The following NDUFAF2 variants were observed in gnomAD, a reference collection of about 807,000 sequenced individuals.
The protein encoded by NDUFAF2 is NADH:ubiquinone oxidoreductase complex assembly factor 2.
Under a neutral mutation model 22.8 loss-of-function variants are expected in NDUFAF2, and 13 were observed. The observed-to-expected ratio is 0.57, with a 90% CI of 0.37 to 0.91. The LOEUF (loss-of-function observed/expected upper bound fraction) is 0.91. NDUFAF2 is among the 40% of genes least tolerant of loss of function. The probability of loss-of-function intolerance (pLI) is 0.01; values close to 1 mark genes in which losing one functional copy is unlikely to be tolerated. For missense variants in NDUFAF2, 162 were observed against 195.2 expected, an observed-to-expected ratio of 0.83 and a Z score of 1.01; for synonymous variants, 53 against 64.2, an observed-to-expected ratio of 0.83 and a Z score of 0.84.
At chr5:61,112,476 T>G (rs1183086657) in intron 3 of NDUFAF2, among the ~76,000 whole-genome samples, 2 of 152,130 alleles carry the variant, frequency 1.3e-5, no homozygotes, top group Non-Finnish European at 2.9e-5. Flanking sequence ...CCTCCCAAAG[T>G]GCTGGGATTA....
At chr5:60,974,489 A>G (rs970253447) in intron 1 of NDUFAF2, among the ~76,000 whole-genome samples, 6 of 152,076 alleles carry the variant, frequency 3.9e-5, no homozygotes, top group African/African-American at 7.2e-5. Context: ...TTTCTTTTAT[A>G]TATACCTCCA....
At chr5:61,117,653 GC>G (rs765277631) in intron 3 of NDUFAF2, among the ~76,000 whole-genome samples, 16 of 151,286 alleles carry the variant, frequency 1.1e-4, no homozygotes, top group Non-Finnish European at 2.2e-4. Context: ...ACTGTGCCCA[GC>G]CCAATGCATA....
chr5:61,044,440 CT>C (rs1328270199), intron 1 of NDUFAF2, among the ~76,000 whole-genome samples: 2 of 152,138 alleles, frequency 1.3e-5, no homozygotes, highest in African/African-American at 4.8e-5. Context: ...AGCCAATAAG[CT>C]TTTTCTTGTT....
intron 1 of NDUFAF2, among the ~76,000 whole-genome samples, chr5:61,027,260 T>A (rs913090809): frequency 3.3e-5 from 5 of 151,590 alleles, no homozygotes; most frequent in African/African-American, 1.2e-4. Context: ...AAGAAGAGTA[T>A]ATATTTCTGC....
At position 61,107,662 on chromosome 5, in the gene NDUFAF2, T is replaced by A. The variant is rs191440468; in HGVS notation, c.258+8630T>A. Among the ~76,000 whole-genome samples the A allele has an allele frequency of 1.5e-4, 22 of 147,734 alleles. No homozygotes were observed. In the East Asian group the frequency reaches 4.3e-3, roughly 29 times the overall value. Reference sequence around the variant, plus strand: ...GGTATTTCTCTTTTTTTAATTATGATTACTATTATTATTATTATTATACTT... The same window carrying A: ...GGTATTTCTCTTTTTTTAATTATGAATACTATTATTATTATTATTATACTT... On this transcript the variant is annotated intron_variant, in intron 3 of 3. Coordinates refer to ENST00000296597, the MANE Select transcript of NDUFAF2 (RefSeq NM_174889.5).
At chr5:61,116,456 T>C (rs565424484) in intron 3 of NDUFAF2, 2 of 152,152 alleles carry the variant, frequency 1.3e-5, no homozygotes, top group East Asian at 3.9e-4. Flanking sequence ...AAAAATATAA[T>C]AGAAATGAAA....
At chr5:61,002,098 G>A (rs1298633759) in intron 1 of NDUFAF2, among the ~76,000 whole-genome samples, 1 of 152,044 alleles carries the variant, frequency 6.6e-6, no homozygotes, top group Non-Finnish European at 1.5e-5. Flanking sequence ...AACCAGGACA[G>A]CATTGTCAGA....
chr5:61,057,056 CA>C (rs1382155881), intron 1 of NDUFAF2, among the ~76,000 whole-genome samples: 1 of 150,926 alleles, frequency 6.6e-6, no homozygotes, highest in East Asian at 1.9e-4. Flanking sequence ...CCCTTCACAG[CA>C]GCCTGCAGTT....
intron 1 of NDUFAF2, among the ~76,000 whole-genome samples, chr5:60,990,123 G>A (rs916743898): frequency 1.3e-5 from 2 of 152,190 alleles, no homozygotes; most frequent in African/African-American, 4.8e-5. Context: ...CATGAAGATA[G>A]AGAGTAGAGT....
intron 1 of NDUFAF2, among the ~76,000 whole-genome samples, chr5:60,972,094 C>T (rs1283210453): frequency 1.3e-5 from 2 of 151,910 alleles, no homozygotes; most frequent in African/African-American, 4.8e-5. Flanking sequence ...AGGCATACGC[C>T]ACCGAGCCTG....
At chr5:61,138,739 T>G (rs1270916929) in intron 3 of NDUFAF2, among the ~76,000 whole-genome samples, 1 of 152,186 alleles carries the variant, frequency 6.6e-6, no homozygotes, top group African/African-American at 2.4e-5. Context: ...GCAGGATACC[T>G]GTATGCAAAG....
At chr5:61,067,391 T>A (rs1047171417) in intron 1 of NDUFAF2, among the ~76,000 whole-genome samples, 9 of 148,478 alleles carry the variant, frequency 6.1e-5, no homozygotes, top group African/African-American at 2.0e-4. Flanking sequence ...TTCCCACCTA[T>A]GAGTGAGAAC....
intron 1 of NDUFAF2, among the ~76,000 whole-genome samples, chr5:60,992,174 CT>C (rs1751167247): frequency 6.6e-6 from 1 of 152,014 alleles, no homozygotes; most frequent in African/African-American, 2.4e-5. Context: ...TGTTTGAGCT[CT>C]TCATATATAC....
intron 3 of NDUFAF2, among the ~76,000 whole-genome samples, chr5:61,131,309 C>T (rs1753108821): frequency 6.6e-6 from 1 of 151,664 alleles, no homozygotes; most frequent in Admixed American, 6.6e-5. Context: ...AATTCATCCT[C>T]TTCAGCCTGG....
intron 3 of NDUFAF2, among the ~76,000 whole-genome samples, chr5:61,109,958 A>G (rs1403009442): frequency 2.0e-5 from 3 of 152,218 alleles, no homozygotes; most frequent in Admixed American, 6.5e-5. Flanking sequence ...GGTCTGTTGT[A>G]TATGGCTTTT....
chr5:61,118,240 A>G (rs1259064562), intron 3 of NDUFAF2, among the ~76,000 whole-genome samples: 1 of 152,164 alleles, frequency 6.6e-6, no homozygotes, highest in Non-Finnish European at 1.5e-5. Flanking sequence ...CAAGGAGACA[A>G]TTGGAGAGTG....
chr5:61,082,271 T>C (rs1171761949), intron 2 of NDUFAF2, among the ~76,000 whole-genome samples: 2 of 152,138 alleles, frequency 1.3e-5, no homozygotes, highest in African/African-American at 4.8e-5. Flanking sequence ...CATATATACT[T>C]TATTTTTTAG....
chr5:61,094,722 T>C (rs1752617042), intron 2 of NDUFAF2, among the ~76,000 whole-genome samples: 1 of 152,240 alleles, frequency 6.6e-6, no homozygotes, highest in African/African-American at 2.4e-5. Flanking sequence ...TCCATAGGGC[T>C]ACTGCAGTTT....
intron 3 of NDUFAF2, among the ~76,000 whole-genome samples, chr5:61,126,027 G>A (rs1753032121): frequency 6.6e-6 from 1 of 151,938 alleles, no homozygotes; most frequent in Non-Finnish European, 1.5e-5. Context: ...CATTTCTGAG[G>A]GAAGGTGTGG....
Sources: allele counts gnomAD v4.1 joint callset (sites outside exome capture counted in the v4.1 genomes callset), GRCh38; gene constraint gnomAD v4.1.1; transcripts MANE v1.5; gene names NCBI Gene and HGNC (gene_info 2026-07-23, HGNC 2026-07-21).